Variants in PRKD1 observed in about 807,000 individuals in gnomAD.
PRKD1 encodes serine/threonine-protein kinase D1.
PRKD1 carries 63 observed loss-of-function variants against 95.9 expected under a neutral mutation model. The observed-to-expected ratio is 0.66, with a 90% confidence interval of 0.54 to 0.81. The LOEUF (loss-of-function observed/expected upper bound fraction) is 0.81, where lower values mean the gene tolerates loss of function less well. PRKD1 is among the 30% of genes least tolerant of loss of function. PRKD1 has a pLI of 0.00. For missense variants in PRKD1, 1,048 were observed against 1,165.3 expected, an observed-to-expected ratio of 0.90 and a Z score of 1.47; for synonymous variants, 425 against 423.1, an observed-to-expected ratio of 1.00 and a Z score of -0.05.
At chr14:29,765,532 T>C (rs1888219827) in intron 1 of PRKD1, among the ~76,000 whole-genome samples, 1 of 152,166 alleles carries the variant, frequency 6.6e-6, no homozygotes, top group African/African-American at 2.4e-5. Context: ...CTCCTCCATA[T>C]ACCCTACAAA....
At chr14:29,808,968 T>A (rs1302277002) in intron 1 of PRKD1, among the ~76,000 whole-genome samples, 1 of 152,196 alleles carries the variant, frequency 6.6e-6, no homozygotes, top group African/African-American at 2.4e-5. Context: ...CCTTATGAAA[T>A]ACATTTCTTA....
chr14:29,835,074 T>A (rs1566627392), intron 1 of PRKD1, among the ~76,000 whole-genome samples: 2 of 152,030 alleles, frequency 1.3e-5, no homozygotes, highest in Non-Finnish European at 2.9e-5. Context: ...TACAAAGAAA[T>A]ACAAACAAAT....
At chr14:29,704,377 AT>A (rs1884979924) in intron 2 of PRKD1, among the ~76,000 whole-genome samples, 1 of 152,290 alleles carries the variant, frequency 6.6e-6, no homozygotes, top group African/African-American at 2.4e-5. Flanking sequence ...GGATAACAGC[AT>A]TTGGTATCGA....
At chr14:29,759,641 C>A (rs1397430038) in intron 1 of PRKD1, among the ~76,000 whole-genome samples, 1 of 152,170 alleles carries the variant, frequency 6.6e-6, no homozygotes, top group Non-Finnish European at 1.5e-5. Context: ...AATGGGGAAG[C>A]TTCTATTAAA....
At chr14:29,780,842 A>T (rs1367983915) in intron 1 of PRKD1, among the ~76,000 whole-genome samples, 1 of 152,198 alleles carries the variant, frequency 6.6e-6, no homozygotes, top group Non-Finnish European at 1.5e-5. Context: ...ATGCACACGT[A>T]CGTTTATTCC....
intron 2 of PRKD1, among the ~76,000 whole-genome samples, chr14:29,693,632 A>AAAG (rs1884356709): frequency 8.3e-6 from 1 of 120,610 alleles, no homozygotes; most frequent in Non-Finnish European, 1.6e-5. Flanking sequence ...TCAGTCAAAA[A>AAAG]AAAAAAAAAC....
intron 2 of PRKD1, among the ~76,000 whole-genome samples, chr14:29,682,770 C>G (rs972451296): frequency 6.6e-6 from 1 of 152,174 alleles, no homozygotes; most frequent in African/African-American, 2.4e-5. Flanking sequence ...TCATGCAGAA[C>G]TTGGCTTCTC....
chr14:29,770,365 T>C (rs1888446599), intron 1 of PRKD1, among the ~76,000 whole-genome samples: 1 of 152,210 alleles, frequency 6.6e-6, no homozygotes, highest in Non-Finnish European at 1.5e-5. Context: ...AGAAAAAGTC[T>C]ACGCTGCTAT....
In PRKD1 at chr14:29,631,002, AT is replaced by A; in HGVS notation, c.1411del (p.Ile471PhefsTer7). ...RYYKEIPLSE[I>X]LSLEPVKTSA... The stretch of plus-strand genomic sequence containing the variant: ...AGTTTTTACTGGTTCCAGAGACAAA[AT>A]TTCAGATAAAGGAATTTCCTGTGAA... On this transcript the variant is annotated frameshift_variant, in exon 10 of 18. Transcript: ENST00000331968. LOFTEE classifies it high-confidence loss of function. 4 of 1,608,610 alleles carry A rather than the reference AT, an allele frequency of 2.5e-6. No homozygotes were observed. The highest frequency in any genetic ancestry group is 3.4e-6 in the Non-Finnish European group (4 of 1,176,340).
At chr14:29,634,889 G>A (rs1176225252) in intron 7 of PRKD1, among the ~76,000 whole-genome samples, 3 of 152,082 alleles carry the variant, frequency 2.0e-5, no homozygotes, top group Non-Finnish European at 2.9e-5. Context: ...AAAAAAATCA[G>A]CTGGGCATGT....
intron 1 of PRKD1, among the ~76,000 whole-genome samples, chr14:29,845,236 T>C (rs1892034578): frequency 6.6e-6 from 1 of 152,202 alleles, no homozygotes. Context: ...ACATAACTGG[T>C]CTGTAAAGAA....
intron 1 of PRKD1, among the ~76,000 whole-genome samples, chr14:29,826,844 C>T (rs374985065): frequency 0.24 from 6,694 of 28,198 alleles, 1,829 homozygotes; most frequent in Non-Finnish European, 0.32. Flanking sequence ...TATATACACA[C>T]ATATATATAT....
At chr14:29,885,458 CTTT>C (rs1310926524) in intron 1 of PRKD1, among the ~76,000 whole-genome samples, 1 of 151,956 alleles carries the variant, frequency 6.6e-6, no homozygotes, top group East Asian at 1.9e-4. Context: ...ATTCATGTTC[CTTT>C]ATAAACTCCC....
chr14:29,690,726 G>A (rs1884181207), intron 2 of PRKD1, among the ~76,000 whole-genome samples: 1 of 152,080 alleles, frequency 6.6e-6, no homozygotes, highest in Non-Finnish European at 1.5e-5. Flanking sequence ...TTCTAACCTT[G>A]GGACTCCTCT....
intron 1 of PRKD1, among the ~76,000 whole-genome samples, chr14:29,826,814 C>T (rs187719372): frequency 0.079 from 2,033 of 25,758 alleles, 242 homozygotes; most frequent in Middle Eastern, 0.13. Context: ...CATATATATA[C>T]ACATATATAT....
intron 2 of PRKD1, among the ~76,000 whole-genome samples, chr14:29,706,563 T>A (rs1885102102): frequency 1.3e-5 from 2 of 152,152 alleles, no homozygotes; most frequent in Admixed American, 1.3e-4. Flanking sequence ...AAGTTTAATA[T>A]ATTCAAAAAT....
chr14:29,884,269 A>G (rs941804724), intron 1 of PRKD1, among the ~76,000 whole-genome samples: 2 of 152,164 alleles, frequency 1.3e-5, no homozygotes, highest in African/African-American at 2.4e-5. Flanking sequence ...TTTTAATGTA[A>G]AATATATATA....
chr14:29,640,792 A>C (rs1047165911), intron 4 of PRKD1, among the ~76,000 whole-genome samples: 1 of 152,210 alleles, frequency 6.6e-6, no homozygotes, highest in Non-Finnish European at 1.5e-5. Flanking sequence ...CTTTGTTAGC[A>C]GATTTAACAT....
chr14:29,876,761 A>G (rs1893310022), intron 1 of PRKD1, among the ~76,000 whole-genome samples: 1 of 152,212 alleles, frequency 6.6e-6, no homozygotes, highest in Non-Finnish European at 1.5e-5. Flanking sequence ...AAACCAGGCA[A>G]AGGACTTGAA....
Sources: allele counts gnomAD v4.1 joint callset (sites outside exome capture counted in the v4.1 genomes callset), GRCh38; gene constraint gnomAD v4.1.1; transcripts MANE v1.5; gene names NCBI Gene and HGNC (gene_info 2026-07-23, HGNC 2026-07-21).